DSCC1: variants seen among roughly 807,000 people sequenced by gnomAD.
The protein encoded by DSCC1 is DNA replication and sister chromatid cohesion 1, also known as sister chromatid cohesion protein DCC1.
A neutral mutation model predicts 48.2 loss-of-function variants in DSCC1; 32 were observed. That is an observed-to-expected ratio of 0.66 (90% CI 0.50 to 0.89). The LOEUF (loss-of-function observed/expected upper bound fraction) is 0.89. DSCC1 is among the 40% of genes least tolerant of loss of function. DSCC1 has a pLI of 0.00. For missense variants in DSCC1, 421 were observed against 471.7 expected (o/e 0.89, Z 1.00); for synonymous variants, 150 against 171.5 (o/e 0.87, Z 0.98).
At chr8:119,837,093 G>A (rs1681260763) in intron 8 of DSCC1, among the ~76,000 whole-genome samples, 1 of 152,218 alleles carries the variant, frequency 6.6e-6, no homozygotes, top group South Asian at 2.1e-4. Flanking sequence ...TAGGAAACTT[G>A]TAAAAGGCAT....
chr8:119,847,015 T>C lies in DSCC1; in HGVS notation c.552A>G (p.Gln184=). The change falls in exon 4 of 9, where the codon CAA becomes CAG. Residue 184 remains glutamine (Q), a synonymous_variant. Coordinates refer to ENST00000313655, the MANE Select transcript of DSCC1 (RefSeq NM_024094.3). The part of the protein sequence containing the change: ...ASEEEIMTQL[Q]VLNACKIGGY... ...CTCCAATCTTACAGGCATTTAGAACTTGTAATTGGGTCATTATTTCTTCCT... is the reference window on the plus strand; with the variant it reads ...CTCCAATCTTACAGGCATTTAGAACCTGTAATTGGGTCATTATTTCTTCCT... 1.9e-6 allele frequency: 3 copies of C among 1,613,912 alleles called. No individual in the cohort carries two copies. The Middle Eastern group carries it at 5.0e-4, about 267-fold the overall frequency.
chr8:119,842,127 G>A (rs1166237594), intron 6 of DSCC1, among the ~76,000 whole-genome samples, 179 bp from the exon 7 acceptor site: 1 of 151,866 alleles, frequency 6.6e-6, no homozygotes, highest in African/African-American at 2.4e-5. Flanking sequence ...AGGCTGGCGT[G>A]CATTGGCGTG....
At chr8:119,849,102 G>C (rs1326282691) in intron 3 of DSCC1, among the ~76,000 whole-genome samples, 1 of 143,440 alleles carries the variant, frequency 7.0e-6, no homozygotes, top group Non-Finnish European at 1.5e-5. Context: ...GGAGAATGGC[G>C]TGAACCCGGG....
chr8:119,841,100 T>C (rs1826762080), intron 7 of DSCC1, among the ~76,000 whole-genome samples: 1 of 151,662 alleles, frequency 6.6e-6, no homozygotes, highest in African/African-American at 2.4e-5. Context: ...CAAGCAATTC[T>C]CCTGCCTCAG....
In DSCC1 at chr8:119,842,064, C is replaced by A. The variant is rs1362889613; in HGVS notation, c.770-116G>T. 5 of 1,198,022 alleles carry A rather than the reference C, an allele frequency of 4.2e-6. No individual in the cohort carries two copies. The East Asian group carries it at 1.0e-4, about 25-fold the overall frequency. The allele number at this position is 1,198,022 out of a possible 1,614,324, so 74.2% of individuals were successfully genotyped here. A position where few individuals can be genotyped will look rare whatever the true frequency, so the allele number is the denominator to read the frequency against. On this transcript the variant is annotated intron_variant, in intron 6 of 8. Transcript: ENST00000313655. Reference sequence around the variant, plus strand: ...AGGAATTATACACCTAAACTCACTTCCGACAACCCCATAGTTCGTTTTTTT... The same window carrying A: ...AGGAATTATACACCTAAACTCACTTACGACAACCCCATAGTTCGTTTTTTT...
At chr8:119,850,549 G>A in intron 2 of DSCC1, 33 bp from the exon 3 acceptor site, 11 of 1,512,012 alleles carry the variant, frequency 7.3e-6, no homozygotes, top group Non-Finnish European at 8.8e-6. Context: ...CCTTTTAGGG[G>A]CCATTCTAAA....
rs572069617 is a variant in DSCC1 at position 119,845,392 on chromosome 8, G to A, written c.577+1598C>T. 6.6e-5 allele frequency among the ~76,000 whole-genome samples: 10 copies of A among 152,096 alleles called. 1 individual carries two copies. In the South Asian group the frequency reaches 2.1e-3, roughly 32 times the overall value. On this transcript the variant is annotated intron_variant, in intron 4 of 8. Transcript: ENST00000313655. ...GAGCCACTATGCCTGGCCATGAAAT[G>A]CCATTTTATAATTGATGGCACGACC...
rs1482035278 is a variant in DSCC1, at chr8:119,851,334, C to T, written c.352-818G>A. 3.3e-5 allele frequency among the ~76,000 whole-genome samples: 5 copies of T among 152,210 alleles called. No homozygotes were observed. In the South Asian group the frequency reaches 6.2e-4, roughly 19 times the overall value. On this transcript the variant is annotated intron_variant, in intron 2 of 8. Coordinates refer to ENST00000313655, the MANE Select transcript of DSCC1 (RefSeq NM_024094.3). ...GAGCCTGAAGGAGATGTTGCTGAAT[C>T]TAAGGCTTCCCAAAGAAGAGCTTAA...
chr8:119,850,958 C>T (rs80180629), intron 2 of DSCC1, among the ~76,000 whole-genome samples: 7,012 of 152,176 alleles, frequency 0.046, 268 homozygotes, highest in South Asian at 0.13. Flanking sequence ...GTGTTGCTCA[C>T]GTTGAAATGA....
chr8:119,846,729 A>G (rs1265500949), intron 4 of DSCC1, among the ~76,000 whole-genome samples: 1 of 151,886 alleles, frequency 6.6e-6, no homozygotes, highest in African/African-American at 2.4e-5. Flanking sequence ...CACCCAGCTA[A>G]TTTTGTATTT....
intron 5 of DSCC1, among the ~76,000 whole-genome samples, chr8:119,843,054 A>T (rs1161942687): frequency 6.6e-6 from 1 of 152,178 alleles, no homozygotes; most frequent in Admixed American, 6.5e-5. Context: ...TTATGTAAGC[A>T]TAAATTTATT....
Position 119,836,082 on chromosome 8 carries a change from G to T in DSCC1, c.1074-1081C>A, listed in dbSNP as rs558257792. On this transcript the variant is annotated intron_variant, in intron 8 of 8. Coordinates refer to ENST00000313655, the MANE Select transcript of DSCC1 (RefSeq NM_024094.3). ...AATCCCAGCACTTTAGGAGGCCAAG[G>T]TGGGCAGATCACTTGAGGTCAGGAG... is the stretch of plus-strand genomic sequence containing the variant. 2.0e-3 allele frequency among the ~76,000 whole-genome samples: 304 copies of T among 152,348 alleles called. 2 individuals are homozygous for T. Among genetic ancestry groups the T allele is most frequent in the African/African-American group, 6.0e-3 (250 of 41,578 alleles).
chr8:119,849,008 C>T (rs918061582), intron 3 of DSCC1, among the ~76,000 whole-genome samples: 1 of 151,894 alleles, frequency 6.6e-6, no homozygotes, highest in Non-Finnish European at 1.5e-5. Context: ...CACGGTGAAA[C>T]CCCGTCTCTA....
intron 3 of DSCC1, among the ~76,000 whole-genome samples, chr8:119,849,538 T>C (rs1052468082): frequency 1.3e-5 from 2 of 152,204 alleles, no homozygotes; most frequent in Admixed American, 6.5e-5. Context: ...ATGTCCAGAA[T>C]AGGCAAATCT....
In DSCC1 at chr8:119,834,035, C is replaced by T. The variant is rs1826619366; in HGVS notation, c.*858G>A. On this transcript the variant is annotated 3_prime_UTR_variant, in exon 9 of 9. Transcript: ENST00000313655. ...AGCCATCGTGTTTGTATTTCATGTT[C>T]ATGACAATAAAACTTGTAAACTTCA... 1 of 152,222 alleles carries T rather than the reference C, an allele frequency of 6.6e-6. No individual in the cohort carries two copies. Among genetic ancestry groups the T allele is most frequent in the Non-Finnish European group, 1.5e-5 (1 of 68,048 alleles). 9.4% of individuals were successfully genotyped at this position (152,222 alleles called of 1,614,324 possible). A position where few individuals can be genotyped will look rare whatever the true frequency, so the allele number is the denominator to read the frequency against.
At chr8:119,836,836 C>T (rs1448889735) in intron 8 of DSCC1, among the ~76,000 whole-genome samples, 2 of 151,934 alleles carry the variant, frequency 1.3e-5, no homozygotes, top group African/African-American at 4.8e-5. Flanking sequence ...AGCACTCCAA[C>T]ATTTAGAGAT....
At chr8:119,853,337 G>GC in intron 1 of DSCC1, 122 bp from the exon 2 acceptor site, 2 of 1,064,172 alleles carry the variant, frequency 1.9e-6, no homozygotes, top group South Asian at 1.9e-5. Context: ...TGCTGCCTCT[G>GC]CCCCCTGCTA....
At chr8:119,847,252 G>A (rs1311105036) in intron 3 of DSCC1, among the ~76,000 whole-genome samples, 172 bp from the exon 4 acceptor site, 1 of 152,170 alleles carries the variant, frequency 6.6e-6, no homozygotes, top group East Asian at 1.9e-4. Flanking sequence ...GGATGTCTTA[G>A]AAAACAAATA....
intron 1 of DSCC1, among the ~76,000 whole-genome samples, chr8:119,854,268 A>G (rs1826984782): frequency 6.6e-6 from 1 of 152,212 alleles, no homozygotes; most frequent in African/African-American, 2.4e-5. Flanking sequence ...GGAAGAGGAA[A>G]GGATGAAGGT....
Sources: allele counts gnomAD v4.1 joint callset (sites outside exome capture counted in the v4.1 genomes callset), GRCh38; gene constraint gnomAD v4.1.1; transcripts MANE v1.5; gene names NCBI Gene and HGNC (gene_info 2026-07-23, HGNC 2026-07-21).